Variants in FADS3 observed in about 807,000 individuals in gnomAD.
FADS3 encodes fatty acid desaturase 3, also known as cytochrome b5-related protein.
FADS3 carries 30 observed loss-of-function variants against 60.4 expected under a neutral mutation model. That is an observed-to-expected ratio of 0.50 (90% CI 0.37 to 0.67). FADS3 has a LOEUF of 0.67. Among genes scored for constraint, FADS3 ranks in the 30% least tolerant of loss-of-function variants. The probability of loss-of-function intolerance (pLI) is 0.00; values close to 1 mark genes in which losing one functional copy is unlikely to be tolerated. For missense variants in FADS3, 432 were observed against 598.3 expected, an observed-to-expected ratio of 0.72 and a Z score of 2.90; for synonymous variants, 234 against 249.3, an observed-to-expected ratio of 0.94 and a Z score of 0.58.
rs375717880 is a variant in FADS3, at chr11:61,876,226, G to A, written c.1081-36C>T. The A allele has an allele frequency of 9.9e-5, 157 of 1,580,874 alleles. 1 individual carries two copies. Among genetic ancestry groups the A allele is most frequent in the African/African-American group, 9.4e-4 (70 of 74,304 alleles). ...CCGGCGGGGCACATGTGAGGAGGCC[G>A]TTGCAGATCCCTGACCCCACGGCAC... On this transcript the variant is annotated intron_variant, in intron 9 of 11. Transcript: ENST00000278829. This position sits in a 1 kb window ranked among gnomAD's most constrained non-coding sequence, Gnocchi z 5.7.
rs1938517819 is a variant in FADS3, at chr11:61,891,529, C to T, written c.-148G>A. ...CCGCCGCGGCCGCCGTACGAGCGAGCGTGCGCCTCCCGGCTCGCGGCGCAG... is the reference window on the plus strand; with the variant it reads ...CCGCCGCGGCCGCCGTACGAGCGAGTGTGCGCCTCCCGGCTCGCGGCGCAG... On this transcript the variant is annotated 5_prime_UTR_variant, in exon 1 of 12. Coordinates refer to ENST00000278829, the MANE Select transcript of FADS3 (RefSeq NM_021727.5). 1.1e-5 allele frequency: 5 copies of T among 440,674 alleles called. No homozygotes were observed. The highest frequency in any genetic ancestry group is 1.1e-4 in the South Asian group (1 of 9,214). 27.3% of individuals were successfully genotyped at this position (440,674 alleles called of 1,614,324 possible).
chr11:61,875,786 T>C lies in FADS3; in HGVS notation c.1286+65A>G, dbSNP rs970057825. 2.1e-5 allele frequency: 33 copies of C among 1,574,964 alleles called. No homozygotes were observed. The Admixed American group carries it at 2.4e-4, about 11-fold the overall frequency. ...CTGGGGGCTCAGCATGAGGCTGACC[T>C]GGACAAGGGTAGGCATAGGCCCTGG... On this transcript the variant is annotated intron_variant, in intron 11 of 11. Transcript: ENST00000278829.
In FADS3 at chr11:61,891,509, G is replaced by GCC; in HGVS notation, c.-129_-128insGG. On this transcript the variant is annotated 5_prime_UTR_variant, in exon 1 of 12. Transcript: ENST00000278829. Reference sequence around the variant, plus strand: ...GCTGCTCCGGCCCCGCCCTGCCGCCGCGGCCGCCGTACGAGCGAGCGTGCG... The same window carrying GCC: ...GCTGCTCCGGCCCCGCCCTGCCGCCGCCCGGCCGCCGTACGAGCGAGCGTGCG... 1 of 574,256 alleles carries GCC rather than the reference G, an allele frequency of 1.7e-6. No homozygotes were observed. Among genetic ancestry groups the GCC allele is most frequent in the Non-Finnish European group, 2.5e-6 (1 of 396,876 alleles). 35.6% of individuals were successfully genotyped at this position (574,256 alleles called of 1,614,324 possible). A position where few individuals can be genotyped will look rare whatever the true frequency, so the allele number is the denominator to read the frequency against.
chr11:61,877,623 GC>G lies in FADS3; in HGVS notation c.809-37del, dbSNP rs773705286. The G allele has an allele frequency of 1.1e-5, 17 of 1,600,668 alleles. No homozygotes were observed. The East Asian group carries it at 3.4e-4, about 32-fold the overall frequency. On this transcript the variant is annotated intron_variant, in intron 6 of 11. Transcript: ENST00000278829. The surrounding 1 kb of genome is among the most constrained non-coding windows in gnomAD (Gnocchi z 4.7). ...GGGCATGAGAGTGTTCAGGAGTGGG[GC>G]TGGGCTGCCAAGGTGAGTGGGCGCC...
Position 61,891,459 on chromosome 11 carries a change from C to G in FADS3, c.-78G>C, listed in dbSNP as rs1938513056. Reference sequence around the variant, plus strand: ...ACCCCGAGGGAAGCGAAGAGCGCTCCCGGGCGCCGCCTCCGCCGCCGCCCG... The same window carrying G: ...ACCCCGAGGGAAGCGAAGAGCGCTCGCGGGCGCCGCCTCCGCCGCCGCCCG... On this transcript the variant is annotated 5_prime_UTR_variant, in exon 1 of 12. Coordinates refer to ENST00000278829, the MANE Select transcript of FADS3 (RefSeq NM_021727.5). 9.4e-7 allele frequency: 1 copy of G among 1,063,212 alleles called. No homozygotes were observed. 65.9% of individuals were successfully genotyped at this position (1,063,212 alleles called of 1,614,324 possible).
In FADS3 at chr11:61,877,593, A is replaced by C. The variant is rs770028144; in HGVS notation, c.809-6T>G. The C allele has an allele frequency of 6.2e-7, 1 of 1,613,372 alleles. No individual in the cohort carries two copies. The highest frequency in any genetic ancestry group is 8.5e-7 in the Non-Finnish European group (1 of 1,179,918). On this transcript the variant is annotated splice_polypyrimidine_tract_variant and splice_region_variant and intron_variant, in intron 6 of 11. Transcript: ENST00000278829. This position sits in a 1 kb window ranked among gnomAD's most constrained non-coding sequence, Gnocchi z 4.7. ...GGTGAGCAGCGGCGGGCCGACTGCA[A>C]GAAGGGGCATGAGAGTGTTCAGGAG...
In FADS3 at chr11:61,885,110, C is replaced by T. The variant is rs1195130261; in HGVS notation, c.214-4959G>A. ...ACCCGGGCCCATCTTCTGTGATGTT[C>T]ATGCTCTCTCAGGATACAGAGACAG... is the stretch of plus-strand genomic sequence containing the variant. On this transcript the variant is annotated intron_variant, in intron 1 of 11. Coordinates refer to ENST00000278829, the MANE Select transcript of FADS3 (RefSeq NM_021727.5). 2.0e-5 allele frequency among the ~76,000 whole-genome samples: 3 copies of T among 152,210 alleles called. No individual in the cohort carries two copies. In the East Asian group the frequency reaches 5.8e-4, roughly 29 times the overall value.
chr11:61,873,870 G>T lies in FADS3; in HGVS notation c.1287-5C>A. The T allele has an allele frequency of 6.2e-7, 1 of 1,604,986 alleles. No homozygotes were observed. Among genetic ancestry groups the T allele is most frequent in the South Asian group, 1.1e-5 (1 of 90,048 alleles). ...TCACCAGACTTCTTCAGGGACCTGG[G>T]AGGTGGGGGTGGCAGTGGGGGTGGG... On this transcript the variant is annotated splice_polypyrimidine_tract_variant and splice_region_variant and intron_variant, in intron 11 of 11. Transcript: ENST00000278829.
chr11:61,889,579 G>A (rs1253685132), intron 1 of FADS3, among the ~76,000 whole-genome samples: 35 of 151,756 alleles, frequency 2.3e-4, no homozygotes, highest in Admixed American at 2.2e-3. Flanking sequence ...CCTGGGAGGC[G>A]GAGGTTGCAG....
chr11:61,880,257 C>T (rs569239515), intron 1 of FADS3, 106 bp from the exon 2 acceptor site: 27 of 836,530 alleles, frequency 3.2e-5, no homozygotes, highest in African/African-American at 1.7e-4. Context: ...GCAGAGCAGA[C>T]GACAGGCGGA....
intron 1 of FADS3, among the ~76,000 whole-genome samples, chr11:61,886,627 C>T (rs558059087): frequency 6.6e-6 from 1 of 152,254 alleles, no homozygotes; most frequent in African/African-American, 2.4e-5. Context: ...ACCCCACCCT[C>T]GTGGCCCGAG....
In FADS3 at chr11:61,876,705, C is replaced by T. The variant is rs1489087476; in HGVS notation, c.983+161G>A. The T allele has an allele frequency of 1.4e-6, 1 of 734,064 alleles. No homozygotes were observed. Among genetic ancestry groups the T allele is most frequent in the Non-Finnish European group, 2.4e-6 (1 of 423,268 alleles). The allele number at this position is 734,064 out of a possible 1,614,324, so 45.5% of individuals were successfully genotyped here. ...GGCCACGCTCCCTAAACCCACCGAC[C>T]CTGGGCTCCTGCCACGCTTGTGTTT... On this transcript the variant is annotated intron_variant, in intron 8 of 11. Transcript: ENST00000278829. This position sits in a 1 kb window ranked among gnomAD's most constrained non-coding sequence, Gnocchi z 5.7.
rs1487897724 is a variant in FADS3, at chr11:61,875,841, G to A, written c.1286+10C>T. ...GCCACCAGAACAGAGGGGCCGGGCT[G>A]CAGCCTCACCTGACGATGTCCACCA... On this transcript the variant is annotated intron_variant, in intron 11 of 11. Transcript: ENST00000278829. The A allele has an allele frequency of 1.2e-6, 2 of 1,610,366 alleles. No individual in the cohort carries two copies. The highest frequency in any genetic ancestry group is 1.7e-5 in the Admixed American group (1 of 59,970).
chr11:61,881,433 C>A (rs540537866), intron 1 of FADS3: 1 of 152,338 alleles, frequency 6.6e-6, no homozygotes, highest in Admixed American at 6.5e-5. Context: ...TAATTGTTCA[C>A]AGCTCTTGGA....
In FADS3 at chr11:61,877,301, AC is replaced by A. The variant is rs573487168; in HGVS notation, c.885+209del. 1,046 of 124,948 alleles carry A rather than the reference AC, an allele frequency of 8.4e-3. 4 individuals carry two copies. Among genetic ancestry groups the A allele is most frequent in the East Asian group, 0.015 (67 of 4,560 alleles). 7.7% of individuals were successfully genotyped at this position (124,948 alleles called of 1,614,324 possible). On this transcript the variant is annotated intron_variant, in intron 7 of 11. Coordinates refer to ENST00000278829, the MANE Select transcript of FADS3 (RefSeq NM_021727.5). The surrounding 1 kb of genome is among the most constrained non-coding windows in gnomAD (Gnocchi z 4.7). ...AGACCCACACCCCCCCTGTTCCTCA[AC>A]CCCCCCCCACCACACGTACAGTCAC...
intron 11 of FADS3, among the ~76,000 whole-genome samples, chr11:61,874,453 G>A (rs1288114072): frequency 6.6e-6 from 1 of 152,208 alleles, no homozygotes; most frequent in Non-Finnish European, 1.5e-5. Context: ...CCTGGAATCT[G>A]GCCTCTGTTC....
At chr11:61,875,453 G>C (rs1041929988) in intron 11 of FADS3, among the ~76,000 whole-genome samples, 1 of 145,484 alleles carries the variant, frequency 6.9e-6, no homozygotes, top group African/African-American at 2.6e-5. Context: ...GGCTGGTCTC[G>C]AACTCCTGAC....
intron 1 of FADS3, chr11:61,890,342 C>G (rs1393944899): frequency 6.6e-6 from 1 of 152,246 alleles, no homozygotes; most frequent in Non-Finnish European, 1.5e-5. Flanking sequence ...GCCCAAAAAG[C>G]CAGCATTCAG....
intron 3 of FADS3, 144 bp from the exon 4 acceptor site, chr11:61,878,991 A>G: frequency 1.4e-6 from 1 of 692,268 alleles, no homozygotes; most frequent in South Asian, 1.9e-5. Flanking sequence ...TCCTCTTTTT[A>G]CAGATGAGAA....
Sources: allele counts gnomAD v4.1 joint callset (sites outside exome capture counted in the v4.1 genomes callset), GRCh38; gene constraint gnomAD v4.1.1; non-coding constraint Gnocchi (gnomAD v3.1); transcripts MANE v1.5; gene names NCBI Gene and HGNC (gene_info 2026-07-23, HGNC 2026-07-21).